NEBL: variants seen among roughly 807,000 people sequenced by gnomAD.
The protein encoded by NEBL is LIM and SH3 protein 2.
In NEBL, 122 loss-of-function variants were observed where a neutral mutation model predicts 140.2. That is an observed-to-expected ratio of 0.87 (90% confidence interval 0.75 to 1.01). The LOEUF (loss-of-function observed/expected upper bound fraction) is 1.01, where lower values mean the gene tolerates loss of function less well. Among genes scored for constraint, NEBL ranks in the 50% least tolerant of loss-of-function variants. The pLI is 0.00. For synonymous variants in NEBL, 436 were observed against 398.9 expected, an observed-to-expected ratio of 1.09 and a Z score of -1.11; for missense variants, 1,365 against 1,231.3, an observed-to-expected ratio of 1.11 and a Z score of -1.62.
chr10:21,092,441 G>A (rs1159474127), intron 2 of NEBL, among the ~76,000 whole-genome samples: 1 of 152,036 alleles, frequency 6.6e-6, no homozygotes, highest in African/African-American at 2.4e-5. Context: ...ATTATGTGAT[G>A]ATTTATTCCG....
At chr10:21,029,363 G>A in intron 2 of NEBL, 2 of 1,611,602 alleles carry the variant, frequency 1.2e-6, no homozygotes, top group Non-Finnish European at 1.7e-6. Flanking sequence ...TTAATTATCA[G>A]TGCAGTGCGT....
chr10:20,941,558 A>C (rs572771887), intron 4 of NEBL, among the ~76,000 whole-genome samples: 2 of 151,388 alleles, frequency 1.3e-5, no homozygotes, highest in African/African-American at 2.4e-5. Flanking sequence ...ACTCCTATTC[A>C]ACATAGTGTT....
chr10:20,934,365 G>C (rs140808343), intron 4 of NEBL, among the ~76,000 whole-genome samples: 101 of 152,312 alleles, frequency 6.6e-4, no homozygotes, highest in African/African-American at 2.4e-3. Context: ...TTTTTGATCA[G>C]AGAGTGTGCC....
chr10:20,789,798 T>G (rs1333580443), intron 26 of NEBL, among the ~76,000 whole-genome samples: 3 of 151,954 alleles, frequency 2.0e-5, no homozygotes, highest in Non-Finnish European at 4.4e-5. Flanking sequence ...GGCTGCCATG[T>G]GATCTCACCA....
In NEBL at chr10:20,859,734, AAGCT is replaced by A; in HGVS notation, c.773_776del (p.Gln258LeufsTer9). The A allele has an allele frequency of 6.3e-7, 1 of 1,597,246 alleles. No homozygotes were observed. Among genetic ancestry groups the A allele is most frequent in the Non-Finnish European group, 8.6e-7 (1 of 1,165,504 alleles). On this transcript the variant is annotated frameshift_variant, in exon 8 of 28. Transcript: ENST00000377122. LOFTEE classifies it high-confidence loss of function. ...TTACATTGCTCGCCAGTGTAGCAGC[AAGCT>A]GATTCTGCCTAAAAGAAGCACTTTC...
intron 3 of NEBL, among the ~76,000 whole-genome samples, chr10:21,231,481 A>G (rs1032561451): frequency 3.3e-5 from 5 of 151,988 alleles, no homozygotes; most frequent in South Asian, 2.1e-4. Context: ...GGAGGTTGCA[A>G]TGAGCCGAGA....
chr10:21,155,355 C>T (rs192432034), intron 2 of NEBL, among the ~76,000 whole-genome samples: 7 of 152,156 alleles, frequency 4.6e-5, no homozygotes, highest in African/African-American at 1.7e-4. Flanking sequence ...CCTTGTTGTG[C>T]TATCAAATAC....
At position 21,131,215 on chromosome 10, in the gene NEBL, C is replaced by G. The variant is rs569821784; in HGVS notation, c.164+41168G>C. On this transcript the variant is annotated intron_variant, in intron 2 of 6. Transcript: ENST00000417816. ...GAGGAAATAGACAATCTGAAGAAGC[C>G]CATATCTGTTCAAGAAATTGGATCA... Among the ~76,000 whole-genome samples, 5 of 152,082 alleles carry G rather than the reference C, an allele frequency of 3.3e-5. No individual in the cohort carries two copies. In the South Asian group the frequency reaches 1.0e-3, roughly 32 times the overall value.
intron 10 of NEBL, 59 bp from the exon 11 acceptor site, chr10:20,850,561 C>A: frequency 9.0e-7 from 1 of 1,112,036 alleles, no homozygotes; most frequent in African/African-American, 1.5e-5. Flanking sequence ...ACAGAGCAAA[C>A]TAAGAAAAAA....
In NEBL at chr10:21,173,898, C is replaced by T. The variant is rs1841201747; in HGVS notation, c.-65G>A. 1 of 1,580,122 alleles carries T rather than the reference C, an allele frequency of 6.3e-7. No individual in the cohort carries two copies. The highest frequency in any genetic ancestry group is 8.6e-7 in the Non-Finnish European group (1 of 1,168,846). On this transcript the variant is annotated 5_prime_UTR_variant, in exon 1 of 7. Coordinates refer to the NEBL transcript ENST00000417816. The surrounding 1 kb of genome is among the most constrained non-coding windows in gnomAD (Gnocchi z 5.7). ...GCTCCCAGGAGCCGCTGTGACATCCCCCGGCGAGCCCCGCACCGCCTCCTG... is the reference window on the plus strand; with the variant it reads ...GCTCCCAGGAGCCGCTGTGACATCCTCCGGCGAGCCCCGCACCGCCTCCTG...
rs563232216 is a variant in NEBL, at chr10:20,903,570, T to G, written c.357+58102A>C. Among the ~76,000 whole-genome samples the G allele has an allele frequency of 2.6e-5, 4 of 152,306 alleles. No homozygotes were observed. In the East Asian group the frequency reaches 5.8e-4, roughly 22 times the overall value. ...ATCAAAAAGACATCTGCATGTGTTATGTTTCTCACAGCACAATTCGCAATG... is the reference window on the plus strand; with the variant it reads ...ATCAAAAAGACATCTGCATGTGTTAGGTTTCTCACAGCACAATTCGCAATG... On this transcript the variant is annotated intron_variant, in intron 4 of 6. Transcript: ENST00000417816.
chr10:20,864,287 C>T (rs943644160), intron 7 of NEBL, among the ~76,000 whole-genome samples: 3 of 152,078 alleles, frequency 2.0e-5, no homozygotes, highest in Admixed American at 2.0e-4. Flanking sequence ...TGCACCAATC[C>T]CTTCATCTTC....
chr10:21,265,682 G>T (rs1453047341), intron 1 of NEBL, among the ~76,000 whole-genome samples: 1 of 152,152 alleles, frequency 6.6e-6, no homozygotes, highest in African/African-American at 2.4e-5. Context: ...TGGAACCTGG[G>T]AAACTGTATA....
intron 4 of NEBL, among the ~76,000 whole-genome samples, chr10:20,946,323 T>C (rs1835156981): frequency 6.6e-6 from 1 of 152,254 alleles, no homozygotes; most frequent in African/African-American, 2.4e-5. Flanking sequence ...TTCAAGAAGC[T>C]GTGGCCCTCG....
upstream of NEBL, among the ~76,000 whole-genome samples, chr10:21,179,779 C>T (rs768307055): frequency 4.6e-5 from 7 of 150,794 alleles, no homozygotes; most frequent in Non-Finnish European, 1.0e-4. Flanking sequence ...ACACTGCTGG[C>T]CTTGAAGACG....
At chr10:21,206,967 T>TC (rs1387712843) in intron 3 of NEBL, among the ~76,000 whole-genome samples, 2 of 147,218 alleles carry the variant, frequency 1.4e-5, no homozygotes, top group Non-Finnish European at 3.0e-5. Flanking sequence ...TCTTTTTCTT[T>TC]CTTTTTTTTT....
chr10:20,979,751 C>T (rs903342895), intron 3 of NEBL, among the ~76,000 whole-genome samples: 6 of 152,186 alleles, frequency 3.9e-5, no homozygotes, highest in Middle Eastern at 6.8e-3. Flanking sequence ...CTGTCACCTG[C>T]GCTGGAATAC....
intron 17 of NEBL, among the ~76,000 whole-genome samples, 170 bp downstream of exon 17, chr10:20,828,360 T>G (rs1014147253): frequency 6.6e-6 from 1 of 152,142 alleles, no homozygotes; most frequent in Non-Finnish European, 1.5e-5. Flanking sequence ...TGAAAAATGA[T>G]AATTTGTAAA....
chr10:20,911,141 G>T (rs1276862602), intron 4 of NEBL, among the ~76,000 whole-genome samples: 2 of 152,044 alleles, frequency 1.3e-5, no homozygotes, highest in Admixed American at 1.3e-4. Context: ...TCCAGCCTGG[G>T]CAACAAAACA....
Sources: allele counts gnomAD v4.1 joint callset (sites outside exome capture counted in the v4.1 genomes callset), GRCh38; gene constraint gnomAD v4.1.1; non-coding constraint Gnocchi (gnomAD v3.1); transcripts MANE v1.5; gene names NCBI Gene and HGNC (gene_info 2026-07-23, HGNC 2026-07-21).